The following DAAM1 variants were observed in gnomAD, a reference collection of about 807,000 sequenced individuals.
DAAM1 encodes the protein dishevelled associated activator of morphogenesis 1.
DAAM1 carries 52 observed loss-of-function variants against 130.0 expected under a neutral mutation model. The observed-to-expected ratio is 0.40, with a 90% confidence interval of 0.32 to 0.50. DAAM1 has a LOEUF of 0.50. Ranked by LOEUF, DAAM1 falls within the 20% of genes least tolerant of loss-of-function variation. The probability of loss-of-function intolerance (pLI) is 0.61; values close to 1 mark genes in which losing one functional copy is unlikely to be tolerated. For synonymous variants in DAAM1, 452 were observed against 444.5 expected, an observed-to-expected ratio of 1.02 and a Z score of -0.21; for missense variants, 1,134 against 1,303.8, an observed-to-expected ratio of 0.87 and a Z score of 2.01.
chr14:59,280,818 G>A (rs1883182803), intron 2 of DAAM1, among the ~76,000 whole-genome samples: 1 of 152,064 alleles, frequency 6.6e-6, no homozygotes, highest in Admixed American at 6.6e-5. Context: ...CCTTGGAAAA[G>A]GGGAACAGCA....
At chr14:59,301,279 C>T (rs1386241727) in intron 3 of DAAM1, among the ~76,000 whole-genome samples, 1 of 152,024 alleles carries the variant, frequency 6.6e-6, no homozygotes, top group African/African-American at 2.4e-5. Context: ...GAAAAGTATT[C>T]TATTCAAATA....
chr14:59,325,247 A>G (rs1885163816), intron 8 of DAAM1, among the ~76,000 whole-genome samples: 1 of 152,170 alleles, frequency 6.6e-6, no homozygotes, highest in Admixed American at 6.5e-5. Context: ...TGTAGAATAC[A>G]TAGTAGGAGC....
chr14:59,271,184 T>C (rs1312966266), intron 2 of DAAM1, among the ~76,000 whole-genome samples: 1 of 152,208 alleles, frequency 6.6e-6, no homozygotes, highest in Non-Finnish European at 1.5e-5. Context: ...GTGGGTCTAA[T>C]GTTTGAGGAT....
chr14:59,368,943 C>A lies in DAAM1; in HGVS notation c.*84C>A. ...CGTTTCATTACACTGCCTTGCAATC[C>A]AAACAGTGGCAATTTTTTCCTTCAT... On this transcript the variant is annotated 3_prime_UTR_variant, in exon 25 of 25. Transcript: ENST00000360909. 1 of 1,260,472 alleles carries A rather than the reference C, an allele frequency of 7.9e-7. No individual in the cohort carries two copies. Among genetic ancestry groups the A allele is most frequent in the Non-Finnish European group, 1.1e-6 (1 of 914,868 alleles). The allele number at this position is 1,260,472 out of a possible 1,614,324, so 78.1% of individuals were successfully genotyped here.
chr14:59,320,494 A>G lies in DAAM1; in HGVS notation c.350A>G (p.Lys117Arg). 1 of 1,599,512 alleles carries G rather than the reference A, an allele frequency of 6.3e-7. No individual in the cohort carries two copies. Among genetic ancestry groups the G allele is most frequent in the Non-Finnish European group, 8.5e-7 (1 of 1,175,984 alleles). Residue 117 changes from lysine (K) to arginine (R), a missense_variant, in exon 5 of 25, where the codon AAA becomes AGA. This residue lies in a region of DAAM1 where 391 missense variants were observed against 521.6 expected (regional missense o/e 0.75). Transcript: ENST00000360909. ...IDQLNSMAAR[K>R]SLLALEKEEE... ...ACTTCTGTTTTCTTTGCATAGAGAA[A>G]ATCTCTGCTGGCTTTAGAGAAGGAA...
At position 59,331,407 on chromosome 14, in the gene DAAM1, A is replaced by G; in HGVS notation, c.1759A>G (p.Met587Val). 6.2e-7 allele frequency: 1 copy of G among 1,612,924 alleles called. No individual in the cohort carries two copies. The highest frequency in any genetic ancestry group is 8.5e-7 in the Non-Finnish European group (1 of 1,179,862). Reference protein sequence around the residue: ...PPGPPPLGAIMPPPGAPMGLA... With the variant: ...PPGPPPLGAIVPPPGAPMGLA... ...AGGGCCTCCTCCCTTAGGGGCAATC[A>G]TGCCACCTCCTGGTGCTCCAATGGG... is the stretch of plus-strand genomic sequence containing the variant. The change falls in exon 14 of 25, where the codon ATG becomes GTG. Residue 587 changes from methionine to valine, a missense_variant. Physicochemically the swap from Met to Val is conservative, Grantham distance 21. Coordinates refer to ENST00000360909, the MANE Select transcript of DAAM1 (RefSeq NM_001270520.2).
At chr14:59,244,470 G>A (rs544115319) in intron 1 of DAAM1, among the ~76,000 whole-genome samples, 3 of 152,296 alleles carry the variant, frequency 2.0e-5, no homozygotes, top group Admixed American at 6.5e-5. Context: ...GGTGTATGTG[G>A]ATGTGAACTG....
At chr14:59,285,818 A>G (rs1339439841) in intron 2 of DAAM1, among the ~76,000 whole-genome samples, 2 of 152,168 alleles carry the variant, frequency 1.3e-5, no homozygotes, top group Non-Finnish European at 2.9e-5. Flanking sequence ...CCAAACAGTG[A>G]TACTGGGGGA....
chr14:59,346,101 C>T (rs898914885), intron 16 of DAAM1, among the ~76,000 whole-genome samples: 1 of 146,624 alleles, frequency 6.8e-6, no homozygotes, highest in African/African-American at 2.5e-5. Flanking sequence ...TTTGCTTAAT[C>T]CTCATGTGCA....
rs906768134 is a variant in DAAM1 at position 59,332,039 on chromosome 14, C to A, written c.1968+119C>A. The stretch of plus-strand genomic sequence containing the variant: ...GCATATGAATTCTAGGCTGTTGGAT[C>A]TACCCTGTGCATGTCCGTGTCTCCG... On this transcript the variant is annotated intron_variant, in intron 15 of 24. Transcript: ENST00000360909. 6.1e-6 allele frequency: 5 copies of A among 818,986 alleles called. No individual in the cohort carries two copies. In the African/African-American group the frequency reaches 8.6e-5, roughly 14 times the overall value. The allele number at this position is 818,986 out of a possible 1,614,324, so 50.7% of individuals were successfully genotyped here. A position where few individuals can be genotyped will look rare whatever the true frequency, so the allele number is the denominator to read the frequency against.
At chr14:59,251,028 A>G (rs1322164975) in intron 1 of DAAM1, among the ~76,000 whole-genome samples, 5 of 152,208 alleles carry the variant, frequency 3.3e-5, no homozygotes, top group South Asian at 2.1e-4. Context: ...GGGCTTGGAA[A>G]AATACCCATG....
At chr14:59,334,851 A>G (rs1431992941) in intron 15 of DAAM1, among the ~76,000 whole-genome samples, 1 of 152,200 alleles carries the variant, frequency 6.6e-6, no homozygotes, top group Non-Finnish European at 1.5e-5. Context: ...AGTGTAACTT[A>G]CAGTATAAAA....
intron 1 of DAAM1, among the ~76,000 whole-genome samples, chr14:59,248,629 A>C (rs892789052): frequency 1.3e-5 from 2 of 152,160 alleles, no homozygotes; most frequent in African/African-American, 4.8e-5. Context: ...CACTCAACAC[A>C]TGTGCTTTTG....
intron 1 of DAAM1, among the ~76,000 whole-genome samples, chr14:59,235,316 T>A (rs1480609435): frequency 1.3e-5 from 2 of 152,212 alleles, no homozygotes; most frequent in Non-Finnish European, 2.9e-5. Context: ...TACCTCAATT[T>A]CAGAACTTGT....
chr14:59,213,716 A>G (rs745474135), intron 1 of DAAM1, among the ~76,000 whole-genome samples: 1 of 152,168 alleles, frequency 6.6e-6, no homozygotes, highest in Non-Finnish European at 1.5e-5. Flanking sequence ...GCCTTCTCTC[A>G]CTATTTACGG....
chr14:59,365,933 T>C (rs1436223777), intron 23 of DAAM1, among the ~76,000 whole-genome samples: 1 of 152,108 alleles, frequency 6.6e-6, no homozygotes, highest in African/African-American at 2.4e-5. Context: ...ATTATTTGGG[T>C]AGTTATAATA....
intron 23 of DAAM1, among the ~76,000 whole-genome samples, chr14:59,365,576 A>G (rs1886883279): frequency 6.6e-6 from 1 of 152,238 alleles, no homozygotes; most frequent in Admixed American, 6.5e-5. Flanking sequence ...TAGTAACTGT[A>G]AAATATATAT....
At chr14:59,304,703 G>A (rs1305637234) in intron 3 of DAAM1, among the ~76,000 whole-genome samples, 1 of 152,036 alleles carries the variant, frequency 6.6e-6, no homozygotes, top group Admixed American at 6.6e-5. Flanking sequence ...TCTTTCTTTT[G>A]CCAAAAATGC....
intron 1 of DAAM1, among the ~76,000 whole-genome samples, chr14:59,259,209 A>G (rs150133929): frequency 6.6e-6 from 1 of 152,280 alleles, no homozygotes; most frequent in African/African-American, 2.4e-5. Context: ...ACTAAGTGAC[A>G]TGTGCCATGT....
Sources: allele counts gnomAD v4.1 joint callset (sites outside exome capture counted in the v4.1 genomes callset), GRCh38; gene constraint gnomAD v4.1.1; regional missense constraint gnomAD v4.1.1; transcripts MANE v1.5; gene names NCBI Gene and HGNC (gene_info 2026-07-23, HGNC 2026-07-21).